The following HGFAC variants were observed in gnomAD, a reference collection of about 807,000 sequenced individuals.
HGFAC encodes the protein hepatocyte growth factor activator serine protease.
Under a neutral mutation model 70.6 loss-of-function variants are expected in HGFAC, and 76 were observed. That is an observed-to-expected ratio of 1.08 (90% CI 0.89 to 1.30). The LOEUF (loss-of-function observed/expected upper bound fraction) is 1.30. HGFAC is among the 50% of genes most tolerant of loss of function. HGFAC has a pLI of 0.00. For missense variants in HGFAC, 1,044 were observed against 933.7 expected, an observed-to-expected ratio of 1.12 and a Z score of -1.54; for synonymous variants, 464 against 405.3, an observed-to-expected ratio of 1.14 and a Z score of -1.74.
chr4:3,443,558 G>A, intron 4 of HGFAC, 138 bp downstream of exon 4: 1 of 532,622 alleles, frequency 1.9e-6, no homozygotes, highest in Non-Finnish European at 3.1e-6. Context: ...ATTAACCCCG[G>A]TGGGTGCCAC....
chr4:3,446,654 G>A (rs903822941), intron 10 of HGFAC, among the ~76,000 whole-genome samples: 6 of 152,068 alleles, frequency 3.9e-5, no homozygotes, highest in Non-Finnish European at 7.4e-5. Flanking sequence ...GTGACAATGC[G>A]TCAGAGCCCT....
chr4:3,444,772 C>A (rs768457054), intron 7 of HGFAC, 39 bp downstream of exon 7: 1 of 1,575,318 alleles, frequency 6.3e-7, no homozygotes, highest in Non-Finnish European at 8.6e-7. Flanking sequence ...TGGGGCAGTG[C>A]CGGGTGGACC....
chr4:3,449,015 G>A (rs573130199), intron 13 of HGFAC, among the ~76,000 whole-genome samples: 6 of 152,304 alleles, frequency 3.9e-5, no homozygotes, highest in East Asian at 3.9e-4. Context: ...TGGGGAGAGG[G>A]GGACCGTGGC....
Position 3,447,549 on chromosome 4 carries a change from G to A in HGFAC, c.1413G>A (p.Thr471=), listed in dbSNP as rs776093068. 2.1e-5 allele frequency: 34 copies of A among 1,612,546 alleles called. No homozygotes were observed. The highest frequency in any genetic ancestry group is 1.2e-4 in the South Asian group (11 of 91,048). The change falls in exon 11 of 14, where the codon ACG becomes ACA. Residue 471 remains threonine (T), a synonymous_variant. Transcript: ENST00000382774. ...VLGQHFFNRT[T]DVTQTFGIEK... is the part of the protein sequence containing the mutation. ...GCCAGCACTTCTTCAACCGCACGAC[G>A]GACGTGACGCAGACCTTCGGCATCG...
intron 6 of HGFAC, 66 bp from the exon 7 acceptor site, chr4:3,444,557 G>C (rs45579537): frequency 0.16 from 240,833 of 1,504,432 alleles, 21,789 homozygotes; most frequent in Non-Finnish European, 0.18. Flanking sequence ...GGTGGACCCC[G>C]GCCCCGACTC....
rs1443807385 is a variant in HGFAC, at chr4:3,445,240, G to A, written c.1017-25G>A. On this transcript the variant is annotated intron_variant, in intron 8 of 13. Transcript: ENST00000382774. ...TCTTCGAGGGGCAGTGTGACTCCCT[G>A]CCAGCCCCCACTTATGCACCGCAGG... 4 of 1,545,574 alleles carry A rather than the reference G, an allele frequency of 2.6e-6. No homozygotes were observed. The Admixed American group carries it at 7.7e-5, about 30-fold the overall frequency.
At position 3,444,037 on chromosome 4, in the gene HGFAC, A is replaced by C. The variant is rs758964944; in HGVS notation, c.476-2A>C. 3.1e-6 allele frequency: 5 copies of C among 1,591,184 alleles called. No individual in the cohort carries two copies. The South Asian group carries it at 5.7e-5, about 18-fold the overall frequency. ...CTCACACCCCCTCCCGCATGTCCCC[A>C]GCTGCCCTGGATCCCTGTGCCTCCG... On this transcript the variant is annotated splice_acceptor_variant, in intron 4 of 13. Transcript: ENST00000382774. LOFTEE classifies it high-confidence loss of function.
At position 3,444,893 on chromosome 4, in the gene HGFAC, A is replaced by T; in HGVS notation, c.916A>T (p.Ser306Cys). 6.2e-7 allele frequency: 1 copy of T among 1,609,140 alleles called. No individual in the cohort carries two copies. The highest frequency in any genetic ancestry group is 8.5e-7 in the Non-Finnish European group (1 of 1,178,592). Residue 306 changes from serine (S) to cysteine (C), a missense_variant, in exon 8 of 14, where the codon AGC becomes TGC. Transcript: ENST00000382774. ...GVASTSASGL[S>C]CLAWNSDLLY... ...GGCCAGCACCTCAGCCTCGGGCCTC[A>T]GCTGCCTGGCCTGGAACTCCGATCT...
chr4:3,446,548 A>C (rs1000922488), intron 10 of HGFAC, among the ~76,000 whole-genome samples: 7 of 152,120 alleles, frequency 4.6e-5, no homozygotes, highest in Non-Finnish European at 1.0e-4. Flanking sequence ...CAGAGGACCC[A>C]GCGCCTGCGG....
In HGFAC at chr4:3,449,275, C is replaced by T. The variant is rs747553396; in HGVS notation, c.1824C>T (p.Gly608=). 65 of 1,612,356 alleles carry T rather than the reference C, an allele frequency of 4.0e-5. No individual in the cohort carries two copies. The highest frequency in any genetic ancestry group is 1.5e-4 in the African/African-American group (11 of 74,884). ...GGCCCCTGGCCTGCGAGAAGAACGG[C>T]GTGGCTTACCTCTACGGCATCATCA... ...SGGPLACEKN[G]VAYLYGIISW... is the part of the protein sequence containing the mutation. The change falls in exon 14 of 14, where the codon GGC becomes GGT. Residue 608 remains glycine, a synonymous_variant. Coordinates refer to ENST00000382774, the MANE Select transcript of HGFAC (RefSeq NM_001528.4).
rs1166173160 is a variant in HGFAC at position 3,449,419 on chromosome 4, A to G, written c.1968A>G (p.Ter656TrpextTer?). The G allele has an allele frequency of 1.3e-6, 2 of 1,535,270 alleles. No homozygotes were observed. Among genetic ancestry groups the G allele is most frequent in the Non-Finnish European group, 1.8e-6 (2 of 1,138,378 alleles). Residue 656 changes from the stop codon to tryptophan (W), a stop_lost, in exon 14 of 14, where the codon TGA becomes TGG. Coordinates refer to ENST00000382774, the MANE Select transcript of HGFAC (RefSeq NM_001528.4). ...CCAGGCGGCTTGTGGCTCCCTCCTG[A>G]CCCTCCAGCGGGACACCCTGGTTCC... ...RPPRRLVAPS[*>W]
chr4:3,443,497 C>T (rs1213031589), intron 4 of HGFAC, 77 bp downstream of exon 4: 87 of 913,774 alleles, frequency 9.5e-5, no homozygotes, highest in Non-Finnish European at 1.2e-4. Context: ...GAGGATGGGG[C>T]GGACCCGGGC....
upstream of HGFAC, among the ~76,000 whole-genome samples, chr4:3,441,632 G>A (rs1179895338): frequency 6.6e-6 from 1 of 152,230 alleles, no homozygotes; most frequent in African/African-American, 2.4e-5. This position sits in a 1 kb window ranked among gnomAD's most constrained non-coding sequence, Gnocchi z 6.0. Context: ...ACAATTCACA[G>A]GCAGATGGTG....
In HGFAC at chr4:3,442,772, C is replaced by A; in HGVS notation, c.158C>A (p.Pro53His). The change falls in exon 2 of 14, where the codon CCT (proline) becomes CAT (histidine). Residue 53 changes from proline (P) to histidine (H), a missense_variant. Pro to His is a moderately conservative substitution (Grantham distance 77). Coordinates refer to ENST00000382774, the MANE Select transcript of HGFAC (RefSeq NM_001528.4). ...ESPEPNATAT[P>H]AIPTILVTSV... is the part of the protein sequence containing the mutation. ...CCAGAACCTAATGCCACAGCGACCC[C>A]TGCGATCCCCACTATCCTGGTGACC... 6.5e-7 allele frequency: 1 copy of A among 1,536,574 alleles called. No individual in the cohort carries two copies.
intron 12 of HGFAC, 23 bp from the exon 13 acceptor site, chr4:3,448,105 G>A (rs763649513): frequency 9.5e-6 from 15 of 1,574,390 alleles, no homozygotes; most frequent in South Asian, 3.5e-5. Context: ...TGGGTGTCAC[G>A]CTGAGGGCAT....
intron 6 of HGFAC, 39 bp downstream of exon 6, chr4:3,444,481 C>A (rs758448099): frequency 1.3e-6 from 2 of 1,552,988 alleles, no homozygotes; most frequent in South Asian, 2.5e-5. Flanking sequence ...TGACCCCTGA[C>A]GGGTGTCCCT....
chr4:3,442,422 T>C (rs1488784460), intron 1 of HGFAC, among the ~76,000 whole-genome samples: 1 of 152,166 alleles, frequency 6.6e-6, no homozygotes, highest in Non-Finnish European at 1.5e-5. Context: ...TCTGGATGCG[T>C]GAGGTTGGGG....
Position 3,443,058 on chromosome 4 carries a change from G to A in HGFAC, c.307G>A (p.Glu103Lys), listed in dbSNP as rs1382894544. Reference sequence around the variant, plus strand: ...CCACCCCCTCCCCACAGCACTCACCGAGGACGGGAGGCCCTGCAGGTTCCC... The same window carrying A: ...CCACCCCCTCCCCACAGCACTCACCAAGGACGGGAGGCCCTGCAGGTTCCC... ...SSSPQAQALT[E>K]DGRPCRFPFR... Residue 103 changes from glutamate (E) to lysine (K), a missense_variant, in exon 3 of 14, where the codon GAG becomes AAG. By Grantham distance (56) the Glu-to-Lys change is moderately conservative. Coordinates refer to ENST00000382774, the MANE Select transcript of HGFAC (RefSeq NM_001528.4). 3 of 1,598,626 alleles carry A rather than the reference G, an allele frequency of 1.9e-6. No homozygotes were observed. The highest frequency in any genetic ancestry group is 1.1e-5 in the South Asian group (1 of 90,550).
rs775804076 is a variant in HGFAC at position 3,447,497 on chromosome 4, C to G, written c.1361C>G (p.Pro454Arg). 8 of 1,612,464 alleles carry G rather than the reference C, an allele frequency of 5.0e-6. No homozygotes were observed. Among genetic ancestry groups the G allele is most frequent in the East Asian group, 2.2e-5 (1 of 44,892 alleles). The change falls in exon 11 of 14, where the codon CCC (proline) becomes CGC (arginine). Residue 454 changes from proline to arginine, a missense_variant. Physicochemically the swap from Pro to Arg is moderately radical, Grantham distance 103. Transcript: ENST00000382774. The stretch of plus-strand genomic sequence containing the variant: ...CTCCAGCCCCCCTTGCACAGCCCCC[C>G]CAGGGACAGCGTCTCCGTGGTGCTG... ...SAAHCFSHSP[P>R]RDSVSVVLGQ...
Sources: allele counts gnomAD v4.1 joint callset (sites outside exome capture counted in the v4.1 genomes callset), GRCh38; gene constraint gnomAD v4.1.1; non-coding constraint Gnocchi (gnomAD v3.1); transcripts MANE v1.5; gene names NCBI Gene and HGNC (gene_info 2026-07-23, HGNC 2026-07-21).